ENPP2: variants seen among roughly 807,000 people sequenced by gnomAD.
ENPP2 encodes ectonucleotide pyrophosphatase/phosphodiesterase 2.
A neutral mutation model predicts 120.2 loss-of-function variants in ENPP2; 51 were observed. That is an observed-to-expected ratio of 0.42 (90% confidence interval 0.34 to 0.54). The LOEUF (loss-of-function observed/expected upper bound fraction) is 0.54. Among genes scored for constraint, ENPP2 ranks in the 20% least tolerant of loss-of-function variants. The pLI, the probability that ENPP2 is intolerant of heterozygous loss-of-function variation, is 0.04. For missense variants in ENPP2, 920 were observed against 1,066.5 expected (o/e 0.86, Z 1.91); for synonymous variants, 365 against 366.4 (o/e 1.00, Z 0.04).
At chr8:119,658,868 G>A (rs188038625) in intron 1 of ENPP2, among the ~76,000 whole-genome samples, 4 of 152,278 alleles carry the variant, frequency 2.6e-5, no homozygotes, top group Non-Finnish European at 2.9e-5. Flanking sequence ...AGAGAATGCC[G>A]AAGAAAAGGG....
chr8:119,580,315 C>T, intron 18 of ENPP2, 148 bp from the exon 19 acceptor site: 3 of 694,176 alleles, frequency 4.3e-6, no homozygotes, highest in Non-Finnish European at 7.8e-6. Context: ...GAGGAATTAA[C>T]TGTTTTCTCT....
chr8:119,610,776 A>C (rs920305340), intron 8 of ENPP2, among the ~76,000 whole-genome samples: 1 of 151,898 alleles, frequency 6.6e-6, no homozygotes, highest in African/African-American at 2.4e-5. Flanking sequence ...CGTGATAGGC[A>C]CCTGTAATCC....
At chr8:119,656,890 G>C (rs1330839165) in intron 1 of ENPP2, among the ~76,000 whole-genome samples, 1 of 152,002 alleles carries the variant, frequency 6.6e-6, no homozygotes, top group Admixed American at 6.6e-5. Context: ...TTATAGAATT[G>C]CATGAAGTAT....
chr8:119,597,350 C>T (rs1813969815), intron 11 of ENPP2, among the ~76,000 whole-genome samples: 1 of 152,154 alleles, frequency 6.6e-6, no homozygotes, highest in Non-Finnish European at 1.5e-5. Flanking sequence ...TGCAAGAGAC[C>T]TCAACATTCC....
At position 119,592,820 on chromosome 8, in the gene ENPP2, T is replaced by C. The variant is rs1188244580; in HGVS notation, c.1081+932A>G. ...CACTCAAGAGGAGAAAGCTAATCCCTTTGGCTTTTTTTTTTTTTTTTTTTT... is the reference window on the plus strand; with the variant it reads ...CACTCAAGAGGAGAAAGCTAATCCCCTTGGCTTTTTTTTTTTTTTTTTTTT... On this transcript the variant is annotated intron_variant, in intron 12 of 24. Transcript: ENST00000075322. 2.4e-5 allele frequency: 4 copies of C among 165,754 alleles called. No individual in the cohort carries two copies. The East Asian group carries it at 6.2e-4, about 26-fold the overall frequency. The allele number at this position is 165,754 out of a possible 1,614,324, so 10.3% of individuals were successfully genotyped here.
chr8:119,573,949 C>G (rs939473799), intron 19 of ENPP2, among the ~76,000 whole-genome samples: 2 of 151,582 alleles, frequency 1.3e-5, no homozygotes, highest in African/African-American at 4.8e-5. Context: ...GCAAAAATAG[C>G]ATAATAAGGG....
At chr8:119,645,932 A>G (rs1245049753) in intron 1 of ENPP2, among the ~76,000 whole-genome samples, 3 of 152,082 alleles carry the variant, frequency 2.0e-5, no homozygotes. Flanking sequence ...ATTACCCAGA[A>G]AGCCCTAAAC....
chr8:119,626,830 A>T, intron 2 of ENPP2, 110 bp from the exon 3 acceptor site: 1 of 962,696 alleles, frequency 1.0e-6, no homozygotes, highest in Non-Finnish European at 1.6e-6. Flanking sequence ...TCTGGAGGAG[A>T]ACACTGGCTC....
At chr8:119,605,225 C>T (rs1348691667) in intron 9 of ENPP2, among the ~76,000 whole-genome samples, 2 of 152,062 alleles carry the variant, frequency 1.3e-5, no homozygotes, top group East Asian at 3.9e-4. Flanking sequence ...GCACGTGCCA[C>T]CATGCCTGGC....
rs557467928 is a variant in ENPP2, at chr8:119,581,337, G to A, written c.1728+1081C>T. Among the ~76,000 whole-genome samples the A allele has an allele frequency of 1.3e-3, 196 of 150,146 alleles. 2 individuals carry two copies. Among genetic ancestry groups the A allele is most frequent in the African/African-American group, 4.7e-3 (193 of 40,854 alleles). ...GGTAGTCTCTGTTTGCACCACCACC[G>A]CATCCTTGTTGCACCCTCCCACACC... On this transcript the variant is annotated intron_variant, in intron 18 of 24. Coordinates refer to ENST00000075322, the MANE Select transcript of ENPP2 (RefSeq NM_001040092.3).
intron 5 of ENPP2, 124 bp from the exon 6 acceptor site, chr8:119,617,687 G>A (rs939493155): frequency 5.9e-6 from 4 of 681,248 alleles, no homozygotes; most frequent in African/African-American, 1.8e-5. Context: ...GATGGCTTAC[G>A]CTTATAATCC....
chr8:119,581,603 T>C (rs1812742225), intron 18 of ENPP2, among the ~76,000 whole-genome samples: 1 of 152,072 alleles, frequency 6.6e-6, no homozygotes, highest in South Asian at 2.1e-4. Context: ...TTTGGAAACT[T>C]ACTCCTTCCC....
chr8:119,558,361 T>C (rs1813640779), intron 24 of ENPP2, among the ~76,000 whole-genome samples: 1 of 152,038 alleles, frequency 6.6e-6, no homozygotes, highest in African/African-American at 2.4e-5. Context: ...TCTTCCTTGG[T>C]TCACAAGGAT....
rs1302471345 is a variant in ENPP2, at chr8:119,656,235, A to C, written c.21+17017T>G. Reference sequence around the variant, plus strand: ...TTCCCTTTCCTCCTAAGAACTGATAAAAATTCAGAAACCCTTATTTTTGCA... The same window carrying C: ...TTCCCTTTCCTCCTAAGAACTGATACAAATTCAGAAACCCTTATTTTTGCA... On this transcript the variant is annotated intron_variant, in intron 1 of 25. Coordinates refer to the ENPP2 transcript ENST00000427067. 4.6e-5 allele frequency among the ~76,000 whole-genome samples: 7 copies of C among 152,274 alleles called. No homozygotes were observed. The East Asian group carries it at 1.3e-3, about 29-fold the overall frequency.
At position 119,570,802 on chromosome 8, in the gene ENPP2, C is replaced by A. The variant is rs150759849; in HGVS notation, c.1820G>T (p.Arg607Leu). 3.1e-5 allele frequency: 49 copies of A among 1,580,588 alleles called. No homozygotes were observed. Among genetic ancestry groups the A allele is most frequent in the Non-Finnish European group, 1.1e-5 (13 of 1,165,810 alleles). The change falls in exon 20 of 25, where the codon CGG becomes CTG. Residue 607 changes from arginine (R) to leucine (L), a missense_variant. Coordinates refer to ENST00000075322, the MANE Select transcript of ENPP2 (RefSeq NM_001040092.3). ...GTGATATAAGATATCATATCTAGTC[C>A]GATAAAGCACTGCAGGTCGCCCATA... ...LLYGRPAVLY[R>L]TRYDILYHTD...
intron 1 of ENPP2, among the ~76,000 whole-genome samples, chr8:119,644,002 T>G (rs1349982136): frequency 6.6e-6 from 1 of 152,044 alleles, no homozygotes; most frequent in African/African-American, 2.4e-5. Context: ...CCAGTTTGAC[T>G]AGTGCAGGGA....
At chr8:119,581,265 C>CAAAA (rs5894487) in intron 18 of ENPP2, among the ~76,000 whole-genome samples, 53 of 111,718 alleles carry the variant, frequency 4.7e-4, no homozygotes, top group East Asian at 2.6e-3. Flanking sequence ...GACTCCATCT[C>CAAAA]AAAAAAAAAA....
rs192626780 is a variant in ENPP2 at position 119,599,887 on chromosome 8, A to C, written c.972+791T>G. On this transcript the variant is annotated intron_variant, in intron 11 of 24. Transcript: ENST00000075322. Reference sequence around the variant, plus strand: ...CCGAGCATGGTGGTGCACGCCTGTAATCCCAGCTACTCGGGAGGCTGAGAC... The same window carrying C: ...CCGAGCATGGTGGTGCACGCCTGTACTCCCAGCTACTCGGGAGGCTGAGAC... Among the ~76,000 whole-genome samples the C allele has an allele frequency of 1.9e-3, 289 of 152,066 alleles. 3 individuals are homozygous for C. The Middle Eastern group carries it at 0.024, about 13-fold the overall frequency.
intron 12 of ENPP2, among the ~76,000 whole-genome samples, chr8:119,592,661 C>CA (rs1813605432): frequency 6.6e-6 from 1 of 151,678 alleles, no homozygotes; most frequent in African/African-American, 2.4e-5. Flanking sequence ...AGCATGTGAG[C>CA]AAATGCTCTT....
Sources: gnomAD v4.1 joint callset for allele counts (sites outside exome capture counted in the v4.1 genomes callset) on GRCh38, gnomAD v4.1.1 for gene constraint, MANE v1.5 for transcripts, NCBI Gene and HGNC (gene_info 2026-07-23, HGNC 2026-07-21) for gene names.